Variants in ADAM32 observed in about 807,000 individuals in gnomAD.
ADAM32 encodes ADAM metallopeptidase domain 32.
A neutral mutation model predicts 114.9 loss-of-function variants in ADAM32; 89 were observed. The ratio of observed to expected loss-of-function variants is 0.77; its 90% CI spans 0.65 to 0.92. The LOEUF (loss-of-function observed/expected upper bound fraction) is 0.92, where lower values mean the gene tolerates loss of function less well. Ranked by LOEUF, ADAM32 falls within the 40% of genes least tolerant of loss-of-function variation. The pLI is 0.00. For missense variants in ADAM32, 870 were observed against 932.8 expected (o/e 0.93, Z 0.88); for synonymous variants, 285 against 307.5 (o/e 0.93, Z 0.77).
intron 10 of ADAM32, among the ~76,000 whole-genome samples, chr8:39,180,287 C>T (rs918708415): frequency 9.2e-5 from 14 of 152,210 alleles, no homozygotes; most frequent in Non-Finnish European, 1.8e-4. Context: ...TGTACTGGGT[C>T]CCCCAGCAGT....
chr8:39,141,613 T>G (rs1331964458), intron 3 of ADAM32, among the ~76,000 whole-genome samples: 1 of 152,206 alleles, frequency 6.6e-6, no homozygotes. Flanking sequence ...CTACCAATGA[T>G]GTGTTCAATT....
intron 14 of ADAM32, among the ~76,000 whole-genome samples, chr8:39,231,533 T>C (rs1809732836): frequency 6.6e-6 from 1 of 152,126 alleles, no homozygotes; most frequent in Non-Finnish European, 1.5e-5. Flanking sequence ...TCTAATTTTT[T>C]ACAGAGAAAT....
At chr8:39,223,400 T>C in intron 14 of ADAM32, 162 bp downstream of exon 14, 1 of 342,142 alleles carries the variant, frequency 2.9e-6, no homozygotes, top group Non-Finnish European at 5.0e-6. Flanking sequence ...AGCAGAATGT[T>C]TTATATAGTA....
chr8:39,175,795 ATTT>A (rs1805486832), intron 10 of ADAM32, among the ~76,000 whole-genome samples: 1 of 151,924 alleles, frequency 6.6e-6, no homozygotes, highest in Admixed American at 6.6e-5. Context: ...TTAGCTGTAA[ATTT>A]TTCTGGTCCT....
rs990287311 is a variant in ADAM32 at position 39,245,970 on chromosome 8, A to T, written c.1819-113A>T. ...TGCAGCAAAAGCAGTACTTAGAGGA[A>T]AATTTGTATCATTGAATGGCTATGC... is the stretch of plus-strand genomic sequence containing the variant. On this transcript the variant is annotated intron_variant, in intron 16 of 24. Coordinates refer to ENST00000379907, the MANE Select transcript of ADAM32 (RefSeq NM_145004.7). The T allele has an allele frequency of 3.5e-6, 3 of 857,774 alleles. No homozygotes were observed. In the African/African-American group the frequency reaches 5.2e-5, roughly 15 times the overall value. 53.1% of individuals were successfully genotyped at this position (857,774 alleles called of 1,614,324 possible). A position where few individuals can be genotyped will look rare whatever the true frequency, so the allele number is the denominator to read the frequency against.
chr8:39,122,195 TG>T (rs886626647), intron 2 of ADAM32, among the ~76,000 whole-genome samples: 4 of 152,122 alleles, frequency 2.6e-5, no homozygotes, highest in Admixed American at 2.6e-4. Context: ...GTTAAGGCTT[TG>T]GGGCTTTTCC....
intron 12 of ADAM32, among the ~76,000 whole-genome samples, chr8:39,216,890 T>TTAAAGTGTTATAAAAA (rs1808605934): frequency 6.7e-6 from 1 of 150,298 alleles, no homozygotes; most frequent in Non-Finnish European, 1.5e-5. Context: ...TGCACCCCAG[T>TTAAAGTGTTATAAAAA]TAAAGTGTTA....
intron 7 of ADAM32, among the ~76,000 whole-genome samples, chr8:39,164,091 A>G (rs1159961086): frequency 6.6e-6 from 1 of 152,186 alleles, no homozygotes; most frequent in Non-Finnish European, 1.5e-5. Context: ...GAGACACTCA[A>G]CAGTACCATC....
intron 11 of ADAM32, 88 bp downstream of exon 11, chr8:39,187,133 A>C: frequency 7.7e-7 from 1 of 1,294,672 alleles, no homozygotes; most frequent in South Asian, 1.7e-5. Context: ...TAAAGCACAA[A>C]TTAGCTATCA....
rs1056077941 is a variant in ADAM32, at chr8:39,246,649, A to T, written c.1902+483A>T. Among the ~76,000 whole-genome samples the T allele has an allele frequency of 3.3e-5, 5 of 152,200 alleles. No homozygotes were observed. In the East Asian group the frequency reaches 9.6e-4, roughly 29 times the overall value. ...AGAGGCACAATCTTTCCCAATTTTA[A>T]CATCACACACCAGAGTGGTCTGTTT... On this transcript the variant is annotated intron_variant, in intron 17 of 24. Coordinates refer to ENST00000379907, the MANE Select transcript of ADAM32 (RefSeq NM_145004.7).
intron 11 of ADAM32, among the ~76,000 whole-genome samples, chr8:39,200,806 T>A (rs1251809677): frequency 6.6e-6 from 1 of 152,174 alleles, no homozygotes; most frequent in African/African-American, 2.4e-5. Context: ...TTGTATAAGG[T>A]GTAAGGAAGG....
intron 17 of ADAM32, among the ~76,000 whole-genome samples, chr8:39,247,097 C>T (rs1431440339): frequency 1.3e-5 from 2 of 152,138 alleles, no homozygotes; most frequent in African/African-American, 4.8e-5. Flanking sequence ...TTTATCCACT[C>T]ATCTACTGAA....
chr8:39,181,528 C>T (rs1040446597), intron 10 of ADAM32, among the ~76,000 whole-genome samples: 4 of 152,214 alleles, frequency 2.6e-5, no homozygotes, highest in African/African-American at 9.7e-5. Context: ...CCACCAATTC[C>T]GGACACATTA....
chr8:39,212,216 G>T (rs529603218), intron 12 of ADAM32, among the ~76,000 whole-genome samples: 1 of 152,064 alleles, frequency 6.6e-6, no homozygotes, highest in East Asian at 1.9e-4. Flanking sequence ...GTTTCATCAC[G>T]TTGGTCAGGC....
intron 20 of ADAM32, 81 bp downstream of exon 20, chr8:39,270,995 T>C (rs943775825): frequency 1.5e-6 from 2 of 1,339,548 alleles, no homozygotes; most frequent in African/African-American, 2.9e-5. Flanking sequence ...TTTCCAATTT[T>C]TTTTTGAACA....
chr8:39,120,483 C>A (rs553792532), intron 2 of ADAM32, among the ~76,000 whole-genome samples: 2 of 151,964 alleles, frequency 1.3e-5, no homozygotes, highest in Non-Finnish European at 2.9e-5. Context: ...GTTCCTGGGC[C>A]GGGCACGGTG....
chr8:39,150,744 A>G (rs1246310925), intron 5 of ADAM32, among the ~76,000 whole-genome samples: 2 of 152,156 alleles, frequency 1.3e-5, no homozygotes, highest in Non-Finnish European at 2.9e-5. Flanking sequence ...TTGGGCTGCC[A>G]CCTGTATTCA....
At chr8:39,207,770 C>CT (rs1476980030) in intron 11 of ADAM32, among the ~76,000 whole-genome samples, 3 of 152,114 alleles carry the variant, frequency 2.0e-5, no homozygotes, top group Non-Finnish European at 2.9e-5. Flanking sequence ...ATGAAATCAA[C>CT]TTTTTTTATG....
At chr8:39,266,467 G>T (rs1038480715) in intron 19 of ADAM32, among the ~76,000 whole-genome samples, 1 of 152,118 alleles carries the variant, frequency 6.6e-6, no homozygotes, top group East Asian at 1.9e-4. Context: ...AATGCTTTCA[G>T]TTGCTTTATG....
Sources: allele counts gnomAD v4.1 joint callset (sites outside exome capture counted in the v4.1 genomes callset), GRCh38; gene constraint gnomAD v4.1.1; transcripts MANE v1.5; gene names NCBI Gene and HGNC (gene_info 2026-07-23, HGNC 2026-07-21).